RSPH4A: variants seen among roughly 807,000 people sequenced by gnomAD.
The protein encoded by RSPH4A is radial spoke head protein 4 homolog A.
In RSPH4A, 47 loss-of-function variants were observed where a neutral mutation model predicts 71.0. The observed-to-expected ratio is 0.66, with a 90% CI of 0.52 to 0.84. The LOEUF (loss-of-function observed/expected upper bound fraction) is 0.84. RSPH4A is among the 40% of genes least tolerant of loss of function. The pLI is 0.00. For missense variants in RSPH4A, 793 were observed against 855.2 expected (o/e 0.93, Z 0.91); for synonymous variants, 282 against 302.3 (o/e 0.93, Z 0.70).
At chr6:116,624,010 CTTGTAA>C (rs1345253354) in intron 2 of RSPH4A, among the ~76,000 whole-genome samples, 1 of 152,116 alleles carries the variant, frequency 6.6e-6, no homozygotes, top group Admixed American at 6.5e-5. Context: ...TACTCATATA[CTTGTAA>C]TTTGTTCACA....
chr6:116,632,931 C>G lies in RSPH4A; in HGVS notation c.*490C>G, dbSNP rs1046167498. The stretch of plus-strand genomic sequence containing the variant: ...TTGATAGTCACTAGAGTAATGTATT[C>G]TTAACCTTTGTAAGAACTGATCTCA... On this transcript the variant is annotated 3_prime_UTR_variant, in exon 6 of 6. Transcript: ENST00000229554. The G allele has an allele frequency of 1.7e-5, 3 of 172,806 alleles. No homozygotes were observed. Among genetic ancestry groups the G allele is most frequent in the African/African-American group, 7.2e-5 (3 of 41,624 alleles). The allele number at this position is 172,806 out of a possible 1,614,324, so 10.7% of individuals were successfully genotyped here. A position where few individuals can be genotyped will look rare whatever the true frequency, so the allele number is the denominator to read the frequency against.
At chr6:116,627,013 C>G (rs1208324741) in intron 2 of RSPH4A, among the ~76,000 whole-genome samples, 3 of 152,064 alleles carry the variant, frequency 2.0e-5, no homozygotes, top group African/African-American at 7.2e-5. Flanking sequence ...AAGGGAGTCA[C>G]TTATTTTTTA....
At chr6:116,626,234 G>A (rs760931709) in intron 2 of RSPH4A, among the ~76,000 whole-genome samples, 1 of 152,198 alleles carries the variant, frequency 6.6e-6, no homozygotes, top group Non-Finnish European at 1.5e-5. Flanking sequence ...CATATCATTT[G>A]TAAGAACAGC....
At chr6:116,621,399 G>A (rs535361685) in intron 1 of RSPH4A, among the ~76,000 whole-genome samples, 4 of 152,090 alleles carry the variant, frequency 2.6e-5, no homozygotes, top group East Asian at 1.9e-4. Flanking sequence ...AAGAAAAAAC[G>A]AAAAATATAG....
intron 1 of RSPH4A, among the ~76,000 whole-genome samples, chr6:116,621,734 G>A (rs908900756): frequency 2.6e-5 from 4 of 152,140 alleles, no homozygotes; most frequent in Admixed American, 2.6e-4. Flanking sequence ...CTTAGCAAAT[G>A]TATGAAAGTA....
intron 2 of RSPH4A, among the ~76,000 whole-genome samples, chr6:116,623,861 A>T (rs1202718373): frequency 6.6e-6 from 1 of 152,196 alleles, no homozygotes; most frequent in Non-Finnish European, 1.5e-5. Flanking sequence ...ATCTTCATAG[A>T]CAAAATTTTG....
rs1448374610 is a variant in RSPH4A at position 116,632,167 on chromosome 6, TATA to T, written c.1917-37_1917-35del. The T allele has an allele frequency of 2.8e-6, 4 of 1,453,576 alleles. No individual in the cohort carries two copies. The Admixed American group carries it at 7.6e-5, about 28-fold the overall frequency. 90.0% of individuals were successfully genotyped at this position (1,453,576 alleles called of 1,614,324 possible). A position where few individuals can be genotyped will look rare whatever the true frequency, so the allele number is the denominator to read the frequency against. ...AAGGGTCAGTTTTTCTGAGAAATTA[TATA>T]ATGATCTTTTTTTCTTCTTCTTTTT... is the stretch of plus-strand genomic sequence containing the variant. On this transcript the variant is annotated intron_variant, in intron 5 of 5. Coordinates refer to ENST00000229554, the MANE Select transcript of RSPH4A (RefSeq NM_001010892.3).
intron 2 of RSPH4A, among the ~76,000 whole-genome samples, chr6:116,627,284 C>G (rs2115361056): frequency 6.6e-6 from 1 of 152,300 alleles, no homozygotes; most frequent in Non-Finnish European, 1.5e-5. Context: ...ACTGCAACTT[C>G]CGCCTCCCGG....
chr6:116,621,047 C>T (rs944671310), intron 1 of RSPH4A, among the ~76,000 whole-genome samples: 4 of 151,846 alleles, frequency 2.6e-5, no homozygotes, highest in South Asian at 2.1e-4. Context: ...TTAATAGAGA[C>T]GGGGTTTCAC....
intron 1 of RSPH4A, among the ~76,000 whole-genome samples, chr6:116,622,000 G>T (rs1775617182): frequency 6.6e-6 from 1 of 152,170 alleles, no homozygotes; most frequent in South Asian, 2.1e-4. Context: ...TTACTGAGAG[G>T]ATAGAGGCAA....
chr6:116,622,689 C>A (rs1024616938), intron 1 of RSPH4A, 79 bp from the exon 2 acceptor site: 19 of 919,350 alleles, frequency 2.1e-5, no homozygotes, highest in Non-Finnish European at 3.0e-5. Context: ...TATCTAATGA[C>A]CCCAGAAATG....
At position 116,628,264 on chromosome 6, in the gene RSPH4A, G is replaced by A. The variant is rs1289245480; in HGVS notation, c.1557G>A (p.Gly519=). 3 of 1,611,654 alleles carry A rather than the reference G, an allele frequency of 1.9e-6. No homozygotes were observed. Among genetic ancestry groups the A allele is most frequent in the Non-Finnish European group, 1.7e-6 (2 of 1,178,426 alleles). Reference sequence around the variant, plus strand: ...AGGAGGAGGAAGAGGCAGAAGGTGGGCGAAATAGCTTTGAGGAAAACCCTG... The same window carrying A: ...AGGAGGAGGAAGAGGCAGAAGGTGGACGAAATAGCTTTGAGGAAAACCCTG... ...EGEEEEEAEG[G]RNSFEENPDF... is the part of the protein sequence containing the mutation. Residue 519 remains glycine, a synonymous_variant, in exon 3 of 6, where the codon GGG becomes GGA. Transcript: ENST00000229554.
At chr6:116,618,481 AC>A (rs1184658595) in intron 1 of RSPH4A, among the ~76,000 whole-genome samples, 2 of 152,162 alleles carry the variant, frequency 1.3e-5, no homozygotes, top group African/African-American at 4.8e-5. Context: ...TCACTCTACA[AC>A]AACCAACATA....
intron 5 of RSPH4A, among the ~76,000 whole-genome samples, chr6:116,630,846 T>TTTTG (rs1562393136): frequency 1.4e-5 from 1 of 73,940 alleles, no homozygotes; most frequent in Non-Finnish European, 2.7e-5. Flanking sequence ...CTAATTTTTG[T>TTTTG]ATTTTTTTTT....
At chr6:116,628,499 T>A in intron 3 of RSPH4A, 130 bp downstream of exon 3, 1 of 738,894 alleles carries the variant, frequency 1.4e-6, no homozygotes, top group Non-Finnish European at 2.2e-6. Context: ...AAGAGATAAT[T>A]AAAAACACAG....
At chr6:116,630,982 G>A (rs1333759070) in intron 5 of RSPH4A, among the ~76,000 whole-genome samples, 2 of 149,874 alleles carry the variant, frequency 1.3e-5, no homozygotes, top group Non-Finnish European at 2.9e-5. Context: ...GAGCCACCAT[G>A]CCCAGCTGCT....
chr6:116,623,420 T>C (rs1775645184), intron 2 of RSPH4A, among the ~76,000 whole-genome samples: 1 of 152,168 alleles, frequency 6.6e-6, no homozygotes, highest in South Asian at 2.1e-4. Flanking sequence ...ACATCTTATT[T>C]TTTAAAAATT....
At chr6:116,618,178 T>C (rs2115352531) in intron 1 of RSPH4A, among the ~76,000 whole-genome samples, 1 of 152,360 alleles carries the variant, frequency 6.6e-6, no homozygotes, top group East Asian at 1.9e-4. Context: ...CCCATGGCTG[T>C]TCCCTCTGCC....
chr6:116,625,692 A>G (rs1317604229), intron 2 of RSPH4A, among the ~76,000 whole-genome samples: 1 of 152,220 alleles, frequency 6.6e-6, no homozygotes, highest in African/African-American at 2.4e-5. Context: ...ATGTGCTAGA[A>G]TCAATAGGAA....
Sources: allele counts gnomAD v4.1 joint callset (sites outside exome capture counted in the v4.1 genomes callset), GRCh38; gene constraint gnomAD v4.1.1; transcripts MANE v1.5; gene names NCBI Gene and HGNC (gene_info 2026-07-23, HGNC 2026-07-21).